KANTR: variants seen among roughly 807,000 people sequenced by gnomAD.
KANTR encodes the protein KDM5C adjacent transcript.
chrX:53,100,034 C>T (rs1556811540), intron 2 of KANTR, among the ~76,000 whole-genome samples: 5 of 112,208 alleles, frequency 4.5e-5, no homozygotes, highest in Admixed American at 1.9e-4. Context: ...GTAAAATGAA[C>T]ACTGGCTTCA....
Position 53,134,160 on chromosome X carries a change from G to A in KANTR, n.204-7688G>A, listed in dbSNP as rs185924442. Among the ~76,000 whole-genome samples, 275 of 111,191 alleles carry A rather than the reference G, an allele frequency of 2.5e-3. 1 individual carries two copies. The highest frequency in any genetic ancestry group is 8.6e-3 in the African/African-American group (262 of 30,573). On this transcript the variant is annotated intron_variant and non_coding_transcript_variant, in intron 2 of 2. Transcript: ENST00000366185. ...GTGGATCACCTGAGGTCAGGAGTTC[G>A]AGACCAGCCTGGCCAACATGGAGAA...
chrX:53,145,568 T>C (rs1933563264), downstream of KANTR, among the ~76,000 whole-genome samples: 1 of 112,182 alleles, frequency 8.9e-6, no homozygotes, highest in Admixed American at 9.4e-5. Context: ...ACTCCACCTC[T>C]GGGGGCAGGG....
intron 2 of KANTR, among the ~76,000 whole-genome samples, chrX:53,121,123 T>C (rs900978306): frequency 9.1e-5 from 10 of 110,049 alleles, no homozygotes; most frequent in African/African-American, 3.3e-4. Context: ...CTCAGCCTCC[T>C]GAGTAGTTGG....
chrX:53,094,751 A>G (rs1333637582), intron 1 of KANTR: 2 of 111,920 alleles, frequency 1.8e-5, no homozygotes, highest in Non-Finnish European at 3.8e-5. Flanking sequence ...CATCTGCCAA[A>G]TGGGGGTCTG....
At chrX:53,094,873 G>T (rs1556810593) in intron 1 of KANTR, 2 of 112,077 alleles carry the variant, frequency 1.8e-5, no homozygotes, top group Non-Finnish European at 3.8e-5. Context: ...GTCTCTCTTG[G>T]TTTCTGTCTT....
chrX:53,117,608 T>A (rs1422678195), intron 2 of KANTR, among the ~76,000 whole-genome samples: 1 of 34,638 alleles, frequency 2.9e-5, no homozygotes, highest in African/African-American at 6.8e-5. Context: ...TGTGTGTGTG[T>A]GTTTTTTTTT....
intron 2 of KANTR, among the ~76,000 whole-genome samples, chrX:53,136,324 C>T (rs1156497322): frequency 1.8e-5 from 2 of 109,666 alleles, no homozygotes; most frequent in Non-Finnish European, 3.8e-5. Context: ...CTGCAACCTC[C>T]ACCTCCTGGG....
intron 2 of KANTR, among the ~76,000 whole-genome samples, chrX:53,105,859 T>C (rs1325471673): frequency 9.1e-5 from 8 of 87,903 alleles, no homozygotes; most frequent in East Asian, 3.5e-4. Context: ...TTTTTCTTTT[T>C]TTTTTTTTTT....
At chrX:53,126,754 C>T (rs782632786) in exon 3 of KANTR, 2 of 111,898 alleles carry the variant, frequency 1.8e-5, no homozygotes, top group East Asian at 5.6e-4. Flanking sequence ...TATACCCTTT[C>T]GTTTTCCTTG....
intron 2 of KANTR, among the ~76,000 whole-genome samples, chrX:53,136,018 A>G (rs1397255962): frequency 1.8e-5 from 2 of 111,907 alleles, no homozygotes; most frequent in African/African-American, 6.5e-5. Context: ...GTCTGAGAGC[A>G]GATGGGTCTG....
intron 2 of KANTR, among the ~76,000 whole-genome samples, chrX:53,100,429 G>A (rs1234927041): frequency 9.2e-6 from 1 of 109,171 alleles, no homozygotes; most frequent in African/African-American, 3.3e-5. Flanking sequence ...GCAGTGAGCT[G>A]AGATGATGCC....
intron 2 of KANTR, among the ~76,000 whole-genome samples, chrX:53,137,077 A>G (rs1286738509): frequency 9.1e-6 from 1 of 109,791 alleles, no homozygotes; most frequent in Non-Finnish European, 1.9e-5. Context: ...ATAACATTCT[A>G]AGTGGCCCTA....
chrX:53,132,612 T>C (rs782178588), intron 2 of KANTR, among the ~76,000 whole-genome samples: 3 of 112,049 alleles, frequency 2.7e-5, no homozygotes, highest in Non-Finnish European at 3.8e-5. Context: ...TGCATTGGGA[T>C]TGGGGACTTT....
intron 2 of KANTR, among the ~76,000 whole-genome samples, chrX:53,105,378 C>T (rs1205801738): frequency 2.7e-5 from 3 of 111,963 alleles, no homozygotes; most frequent in African/African-American, 9.7e-5. Context: ...CCTAATAACT[C>T]ATGATATTGA....
chrX:53,143,911 C>T, downstream of KANTR: 1 of 382,122 alleles, frequency 2.6e-6, no homozygotes. Context: ...TCTCTATTTC[C>T]ATTGCAACCT....
chrX:53,103,914 A>G (rs893081324), intron 2 of KANTR, among the ~76,000 whole-genome samples: 2 of 111,600 alleles, frequency 1.8e-5, no homozygotes, highest in South Asian at 3.8e-4. Context: ...ACTTGAGGAC[A>G]TGGTTCCACC....
downstream of KANTR, among the ~76,000 whole-genome samples, chrX:53,128,278 C>T (rs1222488240): frequency 1.8e-5 from 2 of 111,422 alleles, no homozygotes; most frequent in African/African-American, 6.5e-5. Flanking sequence ...ACACTGAAGA[C>T]ACAGAGATGA....
At chrX:53,139,047 C>A (rs1933464038) in intron 2 of KANTR, among the ~76,000 whole-genome samples, 2 of 108,871 alleles carry the variant, frequency 1.8e-5, no homozygotes, top group South Asian at 4.1e-4. Context: ...TGGTGAAACA[C>A]CATGTCTACT....
exon 3 of KANTR, chrX:53,142,237 T>C (rs1933512879): frequency 8.1e-6 from 1 of 123,678 alleles, no homozygotes; most frequent in African/African-American, 3.2e-5. Context: ...ATAGCTTGAA[T>C]AGAAAGTCAA....
Sources: allele counts gnomAD v4.1 joint callset (sites outside exome capture counted in the v4.1 genomes callset), GRCh38; gene constraint gnomAD v4.1.1; transcripts MANE v1.5; gene names NCBI Gene and HGNC (gene_info 2026-07-23, HGNC 2026-07-21).